Variants in BICC1 observed in about 807,000 individuals in gnomAD.
The protein encoded by BICC1 is protein bicaudal C homolog 1.
BICC1 carries 43 observed loss-of-function variants against 111.0 expected under a neutral mutation model. The observed-to-expected ratio is 0.39, with a 90% CI of 0.30 to 0.50. BICC1 has a LOEUF of 0.50. Ranked by LOEUF, BICC1 falls within the 20% of genes least tolerant of loss-of-function variation. BICC1 has a pLI of 0.88. For synonymous variants in BICC1, 467 were observed against 434.4 expected (o/e 1.07, Z -0.93); for missense variants, 1,091 against 1,203.2 (o/e 0.91, Z 1.38).
At chr10:58,732,263 GGAGAGAGA>G (rs142434746) in intron 3 of BICC1, among the ~76,000 whole-genome samples, 1 of 144,494 alleles carries the variant, frequency 6.9e-6, no homozygotes, top group Admixed American at 7.0e-5. Context: ...GTGGGGATGG[GGAGAGAGA>G]GAGAGAGAGA....
chr10:58,817,448 GC>G (rs1423464006), intron 18 of BICC1, 113 bp from the exon 19 acceptor site: 10 of 1,116,256 alleles, frequency 9.0e-6, no homozygotes, highest in African/African-American at 6.1e-5. Flanking sequence ...TACAGCTACT[GC>G]CCTATTCAGC....
intron 2 of BICC1, among the ~76,000 whole-genome samples, chr10:58,677,806 G>C (rs1469486306): frequency 2.6e-5 from 4 of 152,142 alleles, no homozygotes; most frequent in Admixed American, 2.6e-4. Flanking sequence ...AAAAAGGTTG[G>C]GTTACCCACA....
chr10:58,736,962 T>C (rs912989873), intron 3 of BICC1, among the ~76,000 whole-genome samples: 12 of 152,092 alleles, frequency 7.9e-5, no homozygotes, highest in African/African-American at 2.7e-4. Flanking sequence ...GTCTGGGGCA[T>C]AGAAATTTTA....
intron 2 of BICC1, among the ~76,000 whole-genome samples, chr10:58,644,561 C>T (rs1478032309): frequency 1.3e-5 from 2 of 152,180 alleles, no homozygotes; most frequent in Admixed American, 6.5e-5. Flanking sequence ...TGTGGCAATT[C>T]CACAGCTGGC....
intron 3 of BICC1, among the ~76,000 whole-genome samples, chr10:58,717,632 G>A (rs2132509054): frequency 6.6e-6 from 1 of 152,186 alleles, no homozygotes; most frequent in Non-Finnish European, 1.5e-5. Flanking sequence ...TGTAGGATAT[G>A]GCTATAATAT....
At chr10:58,704,210 G>A (rs1202571597) in intron 3 of BICC1, among the ~76,000 whole-genome samples, 1 of 152,174 alleles carries the variant, frequency 6.6e-6, no homozygotes, top group African/African-American at 2.4e-5. Flanking sequence ...TTGGAACTAT[G>A]CCTAAGAATT....
At position 58,798,499 on chromosome 10, in the gene BICC1, T is replaced by G; in HGVS notation, c.1467T>G (p.Ser489Arg). Residue 489 changes from serine to arginine, a missense_variant, in exon 11 of 21, where the codon AGT becomes AGG. This residue lies in a region of BICC1 where 843 missense variants were observed against 900.8 expected (regional missense o/e 0.94). Transcript: ENST00000373886. ...CAGTCAGTCCTTTGCAAAGTCCAAGTTCTGGTACACCCAGCCCCACATTAT... is the reference window on the plus strand; with the variant it reads ...CAGTCAGTCCTTTGCAAAGTCCAAGGTCTGGTACACCCAGCCCCACATTAT... ...NSSVSPLQSP[S>R]SGTPSPTLWA... 6 of 1,613,328 alleles carry G rather than the reference T, an allele frequency of 3.7e-6. No homozygotes were observed. The highest frequency in any genetic ancestry group is 5.1e-6 in the Non-Finnish European group (6 of 1,179,630).
intron 13 of BICC1, among the ~76,000 whole-genome samples, 154 bp downstream of exon 13, chr10:58,800,480 T>C (rs746172042): frequency 3.3e-5 from 5 of 152,200 alleles, no homozygotes; most frequent in Non-Finnish European, 7.3e-5. Context: ...CTGAATAAAA[T>C]TTCAAAGAGC....
chr10:58,599,221 T>C, intron 1 of BICC1, among the ~76,000 whole-genome samples: 1 of 152,172 alleles, frequency 6.6e-6, no homozygotes. Context: ...TGTGGCACTG[T>C]TCACAATAGC....
intron 1 of BICC1, among the ~76,000 whole-genome samples, chr10:58,556,526 C>T (rs907432751): frequency 2.0e-5 from 3 of 151,806 alleles, no homozygotes; most frequent in Non-Finnish European, 2.9e-5. Context: ...CAGATTTTGC[C>T]CTTAAAAGTG....
intron 1 of BICC1, among the ~76,000 whole-genome samples, chr10:58,554,010 A>G (rs143760554): frequency 1.7e-4 from 26 of 152,288 alleles, no homozygotes; most frequent in African/African-American, 6.3e-4. Flanking sequence ...TACTATTTGG[A>G]TTCTGTAGAA....
chr10:58,640,785 A>T (rs577586568), intron 2 of BICC1, among the ~76,000 whole-genome samples: 1 of 152,326 alleles, frequency 6.6e-6, no homozygotes, highest in Admixed American at 6.5e-5. Context: ...ATAATTACTG[A>T]TTATAATGTG....
intron 2 of BICC1, among the ~76,000 whole-genome samples, chr10:58,631,399 T>C (rs1837790165): frequency 6.6e-6 from 1 of 152,128 alleles, no homozygotes; most frequent in African/African-American, 2.4e-5. Context: ...TTCTTTCTTT[T>C]TTTTTAAATT....
intron 3 of BICC1, among the ~76,000 whole-genome samples, chr10:58,714,493 G>A (rs1253911082): frequency 1.3e-5 from 2 of 152,134 alleles, no homozygotes; most frequent in Non-Finnish European, 2.9e-5. Context: ...AGTGTTTCAC[G>A]TTATGCCTTT....
chr10:58,724,397 G>C (rs1207650971), intron 3 of BICC1, among the ~76,000 whole-genome samples: 2 of 152,068 alleles, frequency 1.3e-5, no homozygotes, highest in Admixed American at 6.5e-5. Context: ...GTGTGTATAT[G>C]TGTGTATGTG....
chr10:58,678,195 A>AAT (rs1352087702), intron 2 of BICC1, among the ~76,000 whole-genome samples: 1 of 152,226 alleles, frequency 6.6e-6, no homozygotes, highest in East Asian at 1.9e-4. Flanking sequence ...CACACATAAC[A>AAT]ATATTAACCT....
At chr10:58,622,419 A>G (rs1845847831) in intron 2 of BICC1, among the ~76,000 whole-genome samples, 1 of 152,180 alleles carries the variant, frequency 6.6e-6, no homozygotes. Context: ...ATTTCCTAAT[A>G]TTTCTCACTG....
intron 2 of BICC1, among the ~76,000 whole-genome samples, chr10:58,623,585 G>A (rs1845894330): frequency 6.6e-6 from 1 of 152,170 alleles, no homozygotes. Flanking sequence ...GTCCTCTTAT[G>A]TAACGTTCTA....
intron 1 of BICC1, among the ~76,000 whole-genome samples, chr10:58,595,069 G>A (rs921613363): frequency 4.6e-5 from 7 of 152,094 alleles, no homozygotes; most frequent in Admixed American, 3.9e-4. Context: ...AGTTGCAATC[G>A]TAGGCTCTGA....
Sources: gnomAD v4.1 joint callset for allele counts (sites outside exome capture counted in the v4.1 genomes callset) on GRCh38, gnomAD v4.1.1 for gene constraint, gnomAD v4.1.1 regional missense constraint, MANE v1.5 for transcripts, NCBI Gene and HGNC (gene_info 2026-07-23, HGNC 2026-07-21) for gene names.